Variants in ADAMTS2 observed in about 807,000 individuals in gnomAD.
ADAMTS2 encodes A disintegrin and metalloproteinase with thrombospondin motifs 2.
In ADAMTS2, 50 loss-of-function variants were observed where a neutral mutation model predicts 123.0. The ratio of observed to expected loss-of-function variants is 0.41; its 90% CI spans 0.32 to 0.51. ADAMTS2 has a LOEUF of 0.51. Ranked by LOEUF, ADAMTS2 falls within the 20% of genes least tolerant of loss-of-function variation. The pLI is 0.35. For synonymous variants in ADAMTS2, 678 were observed against 695.4 expected (o/e 0.98, Z 0.39); for missense variants, 1,494 against 1,705.2 (o/e 0.88, Z 2.18).
intron 2 of ADAMTS2, among the ~76,000 whole-genome samples, chr5:179,300,925 G>C (rs74609147): frequency 1.0e-3 from 156 of 152,250 alleles, no homozygotes; most frequent in African/African-American, 3.6e-3. Flanking sequence ...CCAATTAAAA[G>C]TCGGAGAGGT....
chr5:179,255,411 C>T (rs1348117268), intron 3 of ADAMTS2, among the ~76,000 whole-genome samples: 2 of 152,192 alleles, frequency 1.3e-5, no homozygotes, highest in Non-Finnish European at 2.9e-5. Context: ...TGCTTGACCA[C>T]AGGTCATCTC....
At chr5:179,153,381 C>T (rs1302067192) in intron 9 of ADAMTS2, 110 bp downstream of exon 9, 3 of 1,536,286 alleles carry the variant, frequency 2.0e-6, no homozygotes, top group East Asian at 4.7e-5. Context: ...GAGGGCCGCT[C>T]TGCCCTCCCC....
intron 2 of ADAMTS2, among the ~76,000 whole-genome samples, chr5:179,324,639 C>A (rs756527459): frequency 6.6e-6 from 1 of 152,200 alleles, no homozygotes; most frequent in Non-Finnish European, 1.5e-5. Flanking sequence ...CATCCTCCTG[C>A]CTTGGCCTCC....
At chr5:179,243,286 A>G (rs1247115098) in intron 3 of ADAMTS2, among the ~76,000 whole-genome samples, 1 of 152,226 alleles carries the variant, frequency 6.6e-6, no homozygotes, top group Non-Finnish European at 1.5e-5. Context: ...TTTATGTCTC[A>G]GGACATTGTT....
chr5:179,111,719 C>G lies in ADAMTS2; in HGVS notation c.*2148G>C, dbSNP rs919597150. 1 of 152,284 alleles carries G rather than the reference C, an allele frequency of 6.6e-6. No individual in the cohort carries two copies. The highest frequency in any genetic ancestry group is 1.5e-5 in the Non-Finnish European group (1 of 68,072). 9.4% of individuals were successfully genotyped at this position (152,284 alleles called of 1,614,324 possible). A position where few individuals can be genotyped will look rare whatever the true frequency, so the allele number is the denominator to read the frequency against. ...AAACCGAGTCATACTCTCTGCCTAG[C>G]GTTAGTCCTGAACTTCCTCCACATC... is the stretch of plus-strand genomic sequence containing the variant. On this transcript the variant is annotated 3_prime_UTR_variant, in exon 22 of 22. Coordinates refer to ENST00000251582, the MANE Select transcript of ADAMTS2 (RefSeq NM_014244.5).
chr5:179,224,970 C>A (rs1215105455), intron 3 of ADAMTS2, among the ~76,000 whole-genome samples: 2 of 152,216 alleles, frequency 1.3e-5, no homozygotes. Context: ...AGTGAGTCCA[C>A]CTGCCTCTGC....
Position 179,114,079 on chromosome 5 carries a change from C to G in ADAMTS2, c.3424G>C (p.Val1142Leu). ...VRPSPSTPLE[V>L]PLNASSTNAT... ...TTGGTGCTGGAGGCATTGAGAGGGA[C>G]CTCCAGGGGGGTGCTTGGTGATGGC... The change falls in exon 22 of 22, where the codon GTC becomes CTC. Residue 1142 changes from valine (V) to leucine (L), a missense_variant. Transcript: ENST00000251582. 1 of 1,614,092 alleles carries G rather than the reference C, an allele frequency of 6.2e-7. No homozygotes were observed. The highest frequency in any genetic ancestry group is 8.5e-7 in the Non-Finnish European group (1 of 1,180,024).
In ADAMTS2 at chr5:179,308,240, C is replaced by A. The variant is rs1487628331; in HGVS notation, c.535-35176G>T. Among the ~76,000 whole-genome samples, 1 of 152,176 alleles carries A rather than the reference C, an allele frequency of 6.6e-6. No individual in the cohort carries two copies. Among genetic ancestry groups the A allele is most frequent in the Non-Finnish European group, 1.5e-5 (1 of 68,018 alleles). ...TGCTCGGTGGAGGTGGGAAGACAGG[C>A]GCTGAGAGTTGTCTGACACAATTGT... On this transcript the variant is annotated intron_variant, in intron 2 of 21. Coordinates refer to ENST00000251582, the MANE Select transcript of ADAMTS2 (RefSeq NM_014244.5). The surrounding 1 kb of genome is among the most constrained non-coding windows in gnomAD (Gnocchi z 6.6).
intron 13 of ADAMTS2, among the ~76,000 whole-genome samples, chr5:179,134,248 A>G (rs1763014460): frequency 6.6e-6 from 1 of 151,710 alleles, no homozygotes; most frequent in Admixed American, 6.6e-5. Flanking sequence ...GTCTGGGGAG[A>G]GACTACACCT....
intron 3 of ADAMTS2, among the ~76,000 whole-genome samples, chr5:179,208,149 T>C: frequency 1.3e-5 from 2 of 148,466 alleles, no homozygotes; most frequent in Non-Finnish European, 1.5e-5. Context: ...AGCCACCCCT[T>C]GCCCACACTG....
intron 5 of ADAMTS2, among the ~76,000 whole-genome samples, chr5:179,163,231 G>A (rs1245702090): frequency 6.6e-6 from 1 of 152,212 alleles, no homozygotes; most frequent in Non-Finnish European, 1.5e-5. Flanking sequence ...CAATGAGGCA[G>A]GCTGGTTGCA....
chr5:179,331,149 A>G (rs1757465650), intron 2 of ADAMTS2, among the ~76,000 whole-genome samples: 1 of 151,082 alleles, frequency 6.6e-6, no homozygotes, highest in Non-Finnish European at 1.5e-5. Context: ...ACAGGTGCAG[A>G]GTGCAGCTGA....
intron 20 of ADAMTS2, among the ~76,000 whole-genome samples, chr5:179,122,390 C>T (rs924507350): frequency 3.3e-5 from 5 of 152,206 alleles, no homozygotes; most frequent in African/African-American, 7.2e-5. Context: ...CCTAGCTGGC[C>T]GAGTCCTGCT....
At chr5:179,222,003 G>C (rs1363415117) in intron 3 of ADAMTS2, among the ~76,000 whole-genome samples, 1 of 152,162 alleles carries the variant, frequency 6.6e-6, no homozygotes, top group Non-Finnish European at 1.5e-5. Flanking sequence ...CCAAGGTGCA[G>C]ACTCAGAGAC....
intron 3 of ADAMTS2, among the ~76,000 whole-genome samples, chr5:179,230,762 G>A (rs2003218): frequency 0.22 from 33,742 of 152,216 alleles, 4,554 homozygotes; most frequent in East Asian, 0.6. Context: ...TCTAATCCCA[G>A]CACTTTGGGA....
At chr5:179,321,491 C>T (rs972669207) in intron 2 of ADAMTS2, among the ~76,000 whole-genome samples, 9 of 152,028 alleles carry the variant, frequency 5.9e-5, no homozygotes, top group African/African-American at 2.2e-4. Context: ...CCCTGAACCC[C>T]CTCCTCTTGA....
In ADAMTS2 at chr5:179,170,321, C is replaced by T. The variant is rs1171832621; in HGVS notation, c.975+10751G>A. Among the ~76,000 whole-genome samples the T allele has an allele frequency of 3.3e-5, 5 of 152,132 alleles. No individual in the cohort carries two copies. Among genetic ancestry groups the T allele is most frequent in the Admixed American group, 2.6e-4 (4 of 15,280 alleles). ...TTCTGTCACAATTTGGGATGAATAACAGGAACCGAGTATCTGGGCCACTTT... is the reference window on the plus strand; with the variant it reads ...TTCTGTCACAATTTGGGATGAATAATAGGAACCGAGTATCTGGGCCACTTT... On this transcript the variant is annotated intron_variant, in intron 5 of 21. Transcript: ENST00000251582. The surrounding 1 kb of genome is among the most constrained non-coding windows in gnomAD (Gnocchi z 4.3).
chr5:179,160,301 A>C (rs1763569972), intron 5 of ADAMTS2, among the ~76,000 whole-genome samples: 6 of 152,132 alleles, frequency 3.9e-5, no homozygotes, highest in Admixed American at 3.9e-4. Context: ...TCTACTAAAA[A>C]TGCAAAACTT....
chr5:179,290,618 A>G (rs1756159145), intron 2 of ADAMTS2, among the ~76,000 whole-genome samples: 1 of 152,088 alleles, frequency 6.6e-6, no homozygotes, highest in Non-Finnish European at 1.5e-5. Context: ...TTTTCTTGCA[A>G]TTTTTCCAAG....
Sources: allele counts gnomAD v4.1 joint callset (sites outside exome capture counted in the v4.1 genomes callset), GRCh38; gene constraint gnomAD v4.1.1; non-coding constraint Gnocchi (gnomAD v3.1); transcripts MANE v1.5; gene names NCBI Gene and HGNC (gene_info 2026-07-23, HGNC 2026-07-21).